NGEF: variants seen among roughly 807,000 people sequenced by gnomAD.
The protein encoded by NGEF is neuronal guanine nucleotide exchange factor, also known as ephexin-1.
Under a neutral mutation model 80.9 loss-of-function variants are expected in NGEF, and 31 were observed. The observed-to-expected ratio is 0.38, with a 90% confidence interval of 0.29 to 0.52. The LOEUF is 0.52. Among genes scored for constraint, NGEF ranks in the 20% least tolerant of loss-of-function variants. The pLI is 0.84. For synonymous variants in NGEF, 371 were observed against 370.2 expected (o/e 1.00, Z -0.03); for missense variants, 709 against 926.2 (o/e 0.77, Z 3.04).
chr2:232,946,755 A>T (rs1693568380), intron 3 of NGEF, among the ~76,000 whole-genome samples: 1 of 152,246 alleles, frequency 6.6e-6, no homozygotes, highest in African/African-American at 2.4e-5. Flanking sequence ...TGAAGGAAGT[A>T]TTCAAAGACA....
At chr2:232,896,759 TG>T (rs1692095811) in intron 5 of NGEF, among the ~76,000 whole-genome samples, 1 of 41,448 alleles carries the variant, frequency 2.4e-5, no homozygotes. Context: ...GGGGTGAGGG[TG>T]AGGTTAGGGG....
intron 2 of NGEF, among the ~76,000 whole-genome samples, chr2:232,971,261 C>T (rs1218207462): frequency 6.6e-6 from 1 of 152,178 alleles, no homozygotes; most frequent in East Asian, 1.9e-4. Flanking sequence ...CTTCCCCAGC[C>T]CCCACCCCGT....
At chr2:232,994,384 A>T (rs1164794881) in intron 1 of NGEF, among the ~76,000 whole-genome samples, 1 of 151,946 alleles carries the variant, frequency 6.6e-6, no homozygotes, top group Admixed American at 6.6e-5. Context: ...AAAAAAAAAA[A>T]AAAAGATATT....
At chr2:232,891,613 T>G (rs1351062837) in intron 7 of NGEF, 126 bp from the exon 8 acceptor site, 1 of 1,114,092 alleles carries the variant, frequency 9.0e-7, no homozygotes, top group African/African-American at 1.6e-5. Flanking sequence ...TGTTGATTTC[T>G]TTCTTTGTTT....
intron 1 of NGEF, among the ~76,000 whole-genome samples, chr2:232,996,954 C>T (rs537573664): frequency 1.3e-4 from 20 of 152,324 alleles, no homozygotes; most frequent in African/African-American, 4.6e-4. Flanking sequence ...AACGCCCACT[C>T]GAAGTCACTG....
chr2:232,939,870 G>A (rs1340835049), intron 3 of NGEF, among the ~76,000 whole-genome samples: 6 of 151,934 alleles, frequency 3.9e-5, no homozygotes, highest in Non-Finnish European at 8.8e-5. Flanking sequence ...GGTGCTGCAC[G>A]CCTGTACTCC....
intron 1 of NGEF, among the ~76,000 whole-genome samples, chr2:233,008,799 C>CTT (rs372599016): frequency 1.4e-5 from 2 of 145,478 alleles, no homozygotes; most frequent in Non-Finnish European, 1.5e-5. Flanking sequence ...CCATCTGCAT[C>CTT]TTTTTTTTTT....
At chr2:232,882,590 C>T (rs1691539194) in intron 12 of NGEF, among the ~76,000 whole-genome samples, 1 of 152,258 alleles carries the variant, frequency 6.6e-6, no homozygotes, top group Non-Finnish European at 1.5e-5. Flanking sequence ...TGGCCACAGC[C>T]ACGCCACCAA....
At chr2:232,990,887 C>T (rs190005680) in intron 1 of NGEF, among the ~76,000 whole-genome samples, 23 of 152,050 alleles carry the variant, frequency 1.5e-4, no homozygotes, top group Admixed American at 1.1e-3. Flanking sequence ...TATACTATGA[C>T]CAAGTAGAAT....
At position 232,995,886 on chromosome 2, in the gene NGEF, A is replaced by C. The variant is rs1246978425; in HGVS notation, c.-75+17182T>G. 1.2e-4 allele frequency among the ~76,000 whole-genome samples: 18 copies of C among 151,258 alleles called. 1 individual carries two copies. The highest frequency in any genetic ancestry group is 2.9e-5 in the Non-Finnish European group (2 of 67,812). On this transcript the variant is annotated intron_variant, in intron 1 of 14. Coordinates refer to ENST00000264051, the MANE Select transcript of NGEF (RefSeq NM_019850.3). ...ATACACATATAATACATACACTATA[A>C]TACATATATGGATATGTGTATATAT...
At chr2:232,988,279 T>C (rs1037118620) in intron 1 of NGEF, among the ~76,000 whole-genome samples, 16 of 152,062 alleles carry the variant, frequency 1.1e-4, no homozygotes, top group Admixed American at 3.3e-4. Flanking sequence ...CACTATGAGA[T>C]TGAACTTTGG....
In NGEF at chr2:233,012,821, G is replaced by A. The variant is rs765323945; in HGVS notation, c.-75+247C>T. 89 of 470,762 alleles carry A rather than the reference G, an allele frequency of 1.9e-4. 2 individuals are homozygous for A. Among genetic ancestry groups the A allele is most frequent in the South Asian group, 2.6e-4 (17 of 64,544 alleles). The allele number at this position is 470,762 out of a possible 1,614,324, so 29.2% of individuals were successfully genotyped here. On this transcript the variant is annotated intron_variant, in intron 1 of 14. Coordinates refer to ENST00000264051, the MANE Select transcript of NGEF (RefSeq NM_019850.3). ...TACCCCACAGCCATAATGGAAGAGCGCCTGGAAGGAGTCCTTATCCTGATT... is the reference window on the plus strand; with the variant it reads ...TACCCCACAGCCATAATGGAAGAGCACCTGGAAGGAGTCCTTATCCTGATT...
chr2:232,958,845 C>T (rs1360018399), intron 3 of NGEF, among the ~76,000 whole-genome samples: 2 of 152,162 alleles, frequency 1.3e-5, no homozygotes, highest in Admixed American at 6.5e-5. Flanking sequence ...CAAGAGTTCT[C>T]ATCTCACGGC....
intron 8 of NGEF, chr2:232,890,933 C>T (rs1227032900): frequency 2.1e-6 from 1 of 471,752 alleles, no homozygotes; most frequent in East Asian, 6.9e-5. Flanking sequence ...TGTCCATGAA[C>T]CTTGCAGTCT....
At chr2:232,881,098 T>C (rs766189233) in intron 14 of NGEF, 48 bp downstream of exon 14, 6 of 1,476,916 alleles carry the variant, frequency 4.1e-6, no homozygotes, top group Admixed American at 3.3e-5. Flanking sequence ...TCATCCCTTG[T>C]GGGGCAAGTT....
Position 233,007,314 on chromosome 2 carries a change from C to T in NGEF, c.-75+5754G>A, listed in dbSNP as rs144272484. Among the ~76,000 whole-genome samples the T allele has an allele frequency of 4.1e-3, 619 of 152,248 alleles. 7 individuals are homozygous for T. Among genetic ancestry groups the T allele is most frequent in the African/African-American group, 0.013 (559 of 41,548 alleles). On this transcript the variant is annotated intron_variant, in intron 1 of 14. Transcript: ENST00000264051. ...GCGTTTCTCAAGAAAACAGCTTTAA[C>T]GATCACAGAGTATTTGGAGGGGGAA...
At chr2:232,927,682 A>G (rs1291814318) in intron 3 of NGEF, among the ~76,000 whole-genome samples, 1 of 151,756 alleles carries the variant, frequency 6.6e-6, no homozygotes, top group East Asian at 2.0e-4. Flanking sequence ...CCGGGCAGGG[A>G]CCGGGGTCCC....
chr2:232,932,260 G>A (rs1431992145), intron 3 of NGEF, among the ~76,000 whole-genome samples: 1 of 148,744 alleles, frequency 6.7e-6, no homozygotes, highest in African/African-American at 2.5e-5. Flanking sequence ...CACCTCCTGG[G>A]TTCAAGTGAT....
chr2:232,975,758 G>A (rs1464343326), intron 1 of NGEF, among the ~76,000 whole-genome samples: 1 of 152,176 alleles, frequency 6.6e-6, no homozygotes, highest in East Asian at 1.9e-4. Context: ...TAGACAGAGA[G>A]GCCGAGCTAG....
Sources: allele counts gnomAD v4.1 joint callset (sites outside exome capture counted in the v4.1 genomes callset), GRCh38; gene constraint gnomAD v4.1.1; transcripts MANE v1.5; gene names NCBI Gene and HGNC (gene_info 2026-07-23, HGNC 2026-07-21).